The following WDPCP variants were observed in gnomAD, a reference collection of about 807,000 sequenced individuals.
WDPCP encodes WD repeat containing planar cell polarity effector.
Under a neutral mutation model 93.1 loss-of-function variants are expected in WDPCP, and 71 were observed. That is an observed-to-expected ratio of 0.76 (90% CI 0.63 to 0.93). The LOEUF (loss-of-function observed/expected upper bound fraction) is 0.93, where lower values mean the gene tolerates loss of function less well. Among genes scored for constraint, WDPCP ranks in the 40% least tolerant of loss-of-function variants. The pLI is 0.00. For missense variants in WDPCP, 844 were observed against 887.4 expected, an observed-to-expected ratio of 0.95 and a Z score of 0.62; for synonymous variants, 315 against 315.0, an observed-to-expected ratio of 1.00 and a Z score of 0.00.
intron 1 of WDPCP, among the ~76,000 whole-genome samples, chr2:63,541,079 T>C (rs1181026806): frequency 6.6e-6 from 1 of 152,140 alleles, no homozygotes; most frequent in African/African-American, 2.4e-5. Flanking sequence ...GTTCAAGTGA[T>C]TCTCTTCCCT....
intron 2 of WDPCP, among the ~76,000 whole-genome samples, chr2:63,660,006 C>T (rs1199923238): frequency 1.3e-5 from 2 of 152,240 alleles, no homozygotes; most frequent in African/African-American, 4.8e-5. Context: ...TATATTTACC[C>T]TTATCTCTTT....
At chr2:63,503,123 C>T (rs79094018) in intron 1 of WDPCP, among the ~76,000 whole-genome samples, 150 of 152,254 alleles carry the variant, frequency 9.9e-4, no homozygotes, top group Admixed American at 2.9e-3. Flanking sequence ...ATTGTTCAAA[C>T]GGTTTAATTC....
chr2:63,418,550 A>G (rs369673223), intron 9 of WDPCP, among the ~76,000 whole-genome samples: 136 of 152,312 alleles, frequency 8.9e-4, no homozygotes, highest in Non-Finnish European at 1.7e-3. Context: ...TCCTGTCTTC[A>G]GGTACTTCCT....
chr2:63,499,354 C>T (rs1005754490), intron 1 of WDPCP, among the ~76,000 whole-genome samples: 10 of 152,008 alleles, frequency 6.6e-5, no homozygotes, highest in African/African-American at 2.4e-4. Context: ...TAAATCAGAG[C>T]CATAATAAGG....
At chr2:63,383,918 T>C (rs1461707244) in intron 10 of WDPCP, among the ~76,000 whole-genome samples, 2 of 152,146 alleles carry the variant, frequency 1.3e-5, no homozygotes, top group African/African-American at 4.8e-5. Flanking sequence ...CAGACCAAGA[T>C]AGAGCATATT....
At chr2:63,206,245 T>C (rs947739564) in intron 14 of WDPCP, among the ~76,000 whole-genome samples, 5 of 152,218 alleles carry the variant, frequency 3.3e-5, no homozygotes, top group Non-Finnish European at 7.3e-5. Flanking sequence ...TTGAGGATTT[T>C]TGCATCAATA....
At chr2:63,204,608 T>C (rs1277503834) in intron 14 of WDPCP, among the ~76,000 whole-genome samples, 1 of 152,094 alleles carries the variant, frequency 6.6e-6, no homozygotes, top group Non-Finnish European at 1.5e-5. Context: ...TCCCGAAGTG[T>C]TGGGATGACA....
intron 9 of WDPCP, among the ~76,000 whole-genome samples, chr2:63,431,403 G>A (rs1047770539): frequency 6.6e-6 from 1 of 152,042 alleles, no homozygotes; most frequent in Non-Finnish European, 1.5e-5. Context: ...AACCTAGATG[G>A]TAAATGCTTT....
At chr2:63,728,128 G>A (rs1669516001) in intron 2 of WDPCP, among the ~76,000 whole-genome samples, 1 of 152,180 alleles carries the variant, frequency 6.6e-6, no homozygotes, top group Admixed American at 6.5e-5. Context: ...ACTATGCACA[G>A]AGATATAAGT....
At chr2:63,773,368 T>C (rs541936211) in intron 2 of WDPCP, among the ~76,000 whole-genome samples, 37 of 152,140 alleles carry the variant, frequency 2.4e-4, no homozygotes, top group South Asian at 1.5e-3. Flanking sequence ...AACATTTATA[T>C]GACACTCAGA....
At chr2:63,386,739 T>C (rs964348030) in intron 10 of WDPCP, among the ~76,000 whole-genome samples, 12 of 152,054 alleles carry the variant, frequency 7.9e-5, no homozygotes, top group African/African-American at 2.9e-4. Context: ...TGAAAGTACA[T>C]AGCATTTTTA....
At chr2:63,153,656 G>T in intron 15 of WDPCP, 82 bp from the exon 16 acceptor site, 1 of 914,856 alleles carries the variant, frequency 1.1e-6, no homozygotes, top group Non-Finnish European at 1.6e-6. Context: ...AGATTTTAAA[G>T]TATTAAAATA....
At chr2:63,127,406 A>G (rs1438091355) in intron 17 of WDPCP, among the ~76,000 whole-genome samples, 1 of 151,960 alleles carries the variant, frequency 6.6e-6, no homozygotes, top group Non-Finnish European at 1.5e-5. Context: ...TACAAGCGTG[A>G]GCCACCGCAC....
At chr2:63,468,042 T>A (rs1396684775) in intron 6 of WDPCP, among the ~76,000 whole-genome samples, 4 of 152,194 alleles carry the variant, frequency 2.6e-5, no homozygotes, top group Non-Finnish European at 5.9e-5. Context: ...AGCCAACGAC[T>A]GAGCATCACT....
intron 1 of WDPCP, among the ~76,000 whole-genome samples, chr2:63,547,855 A>G (rs2422011): frequency 0.79 from 119,302 of 151,966 alleles, 47,226 homozygotes; most frequent in East Asian, 0.98. Flanking sequence ...TAATAGATAC[A>G]AATGGTGTTT....
intron 1 of WDPCP, among the ~76,000 whole-genome samples, chr2:63,546,583 G>A (rs1705167297): frequency 6.6e-6 from 1 of 152,192 alleles, no homozygotes; most frequent in Non-Finnish European, 1.5e-5. Flanking sequence ...CTTGACTGGT[G>A]TATTCAAAAC....
intron 12 of WDPCP, among the ~76,000 whole-genome samples, chr2:63,364,006 T>C (rs867608321): frequency 1.3e-5 from 2 of 152,238 alleles, no homozygotes; most frequent in South Asian, 4.2e-4. Context: ...TGCCTGTGAA[T>C]AGCAACTGCA....
At chr2:63,247,361 A>G (rs995703079) in intron 14 of WDPCP, among the ~76,000 whole-genome samples, 4 of 152,176 alleles carry the variant, frequency 2.6e-5, no homozygotes, top group African/African-American at 4.8e-5. Context: ...TTACTGTAGT[A>G]ATGGTATGTC....
Position 63,338,179 on chromosome 2 carries a change from G to A in WDPCP, c.1749-24868C>T, listed in dbSNP as rs1688526703. 4.6e-5 allele frequency among the ~76,000 whole-genome samples: 7 copies of A among 152,186 alleles called. No homozygotes were observed. The South Asian group carries it at 1.5e-3, about 32-fold the overall frequency. On this transcript the variant is annotated intron_variant, in intron 12 of 17. Coordinates refer to ENST00000272321, the MANE Select transcript of WDPCP (RefSeq NM_015910.7). Reference sequence around the variant, plus strand: ...CCATTTTAATTTAATTTTTGTGTATGGTGAGAGATGGGGTCTACCTTCATT... The same window carrying A: ...CCATTTTAATTTAATTTTTGTGTATAGTGAGAGATGGGGTCTACCTTCATT...
Sources: allele counts gnomAD v4.1 joint callset (sites outside exome capture counted in the v4.1 genomes callset), GRCh38; gene constraint gnomAD v4.1.1; transcripts MANE v1.5; gene names NCBI Gene and HGNC (gene_info 2026-07-23, HGNC 2026-07-21).